FAM228B: variants seen among roughly 807,000 people sequenced by gnomAD.
FAM228B encodes the protein protein FAM228B.
In FAM228B, 38 loss-of-function variants were observed where a neutral mutation model predicts 42.6. That is an observed-to-expected ratio of 0.89 (90% CI 0.69 to 1.17). FAM228B has a LOEUF of 1.17. Ranked by LOEUF, FAM228B falls within the 50% of genes most tolerant of loss-of-function variation. The pLI, the probability that FAM228B is intolerant of heterozygous loss-of-function variation, is 0.00. For synonymous variants in FAM228B, 109 were observed against 122.3 expected (o/e 0.89, Z 0.72); for missense variants, 344 against 367.3 (o/e 0.94, Z 0.52).
chr2:24,144,811 C>T (rs1025129448), intron 5 of FAM228B, among the ~76,000 whole-genome samples: 1 of 152,150 alleles, frequency 6.6e-6, no homozygotes, highest in Non-Finnish European at 1.5e-5. Context: ...GCAACCCCAC[C>T]CTCCACAGCA....
At chr2:24,127,788 G>A (rs763854885) in intron 2 of FAM228B, among the ~76,000 whole-genome samples, 2 of 151,720 alleles carry the variant, frequency 1.3e-5, no homozygotes, top group South Asian at 2.1e-4. Flanking sequence ...TAAGCCTCCC[G>A]AGTAGCTGGG....
chr2:24,151,847 C>T (rs1049622677), intron 7 of FAM228B, among the ~76,000 whole-genome samples: 1 of 151,836 alleles, frequency 6.6e-6, no homozygotes, highest in Non-Finnish European at 1.5e-5. Context: ...TCACACCTGG[C>T]TAATTTTTGT....
chr2:24,081,690 GTTTT>G (rs36028901), intron 2 of FAM228B, among the ~76,000 whole-genome samples: 1 of 137,398 alleles, frequency 7.3e-6, no homozygotes, highest in Non-Finnish European at 1.6e-5. Context: ...CCTTGATACT[GTTTT>G]TTTTTTTTTT....
intron 7 of FAM228B, among the ~76,000 whole-genome samples, chr2:24,155,531 ATTTTTTT>A (rs70944720): frequency 1.5e-3 from 19 of 13,024 alleles, no homozygotes; most frequent in African/African-American, 2.4e-3. Flanking sequence ...ATATATATAT[ATTTTTTT>A]TTTTTTTTTT....
Position 24,169,214 on chromosome 2 carries a change from C to G in FAM228B, c.*15-142C>G. 1 of 316,346 alleles carries G rather than the reference C, an allele frequency of 3.2e-6. No individual in the cohort carries two copies. Among genetic ancestry groups the G allele is most frequent in the Non-Finnish European group, 7.3e-6 (1 of 136,244 alleles). 19.6% of individuals were successfully genotyped at this position (316,346 alleles called of 1,614,324 possible). A position where few individuals can be genotyped will look rare whatever the true frequency, so the allele number is the denominator to read the frequency against. On this transcript the variant is annotated intron_variant, in intron 10 of 10. Coordinates refer to ENST00000615575, the MANE Select transcript of FAM228B (RefSeq NM_001145710.2). The surrounding 1 kb of genome is among the most constrained non-coding windows in gnomAD (Gnocchi z 4.2). ...GAGGCAGGAGGCCTAGGTGGAGACC[C>G]TGCCTGAGAGATGAGTCACTCGGCT...
intron 1 of FAM228B, chr2:24,124,115 C>T (rs567225770): frequency 5.9e-5 from 20 of 339,824 alleles, no homozygotes; most frequent in Admixed American, 4.1e-4. Context: ...TTCCAAGGGA[C>T]GGGGGATTCT....
At chr2:24,121,140 C>T, upstream of FAM228B, 1 of 1,613,246 alleles carries the variant, frequency 6.2e-7, no homozygotes, top group Middle Eastern at 1.7e-4. Flanking sequence ...TTACTCAGCT[C>T]TCTTCAAATC....
At chr2:24,167,105 C>T (rs1348285508) in intron 9 of FAM228B, among the ~76,000 whole-genome samples, 1 of 152,108 alleles carries the variant, frequency 6.6e-6, no homozygotes, top group Non-Finnish European at 1.5e-5. Context: ...CAGCATTGTA[C>T]AAAGAACATG....
At chr2:24,154,239 T>TC (rs1051048509) in intron 7 of FAM228B, among the ~76,000 whole-genome samples, 4 of 152,252 alleles carry the variant, frequency 2.6e-5, no homozygotes, top group Admixed American at 1.3e-4. Flanking sequence ...AATTTGTTGT[T>TC]CCAGTGCGGG....
chr2:24,134,752 A>T (rs1205767874), intron 2 of FAM228B, among the ~76,000 whole-genome samples: 1 of 152,180 alleles, frequency 6.6e-6, no homozygotes, highest in African/African-American at 2.4e-5. Flanking sequence ...GGAGTTTGAG[A>T]CCAGCGAGGC....
At position 24,167,637 on chromosome 2, in the gene FAM228B, C is replaced by T; in HGVS notation, c.943C>T (p.Pro315Ser). ...REEDQDGSPS[P>S]RLGLLKLEL ...CAATCTTCATTTAAGGTCTCCCTCCCCGCGTTTGGGGCTGCTGAAGCTGGA... is the reference window on the plus strand; with the variant it reads ...CAATCTTCATTTAAGGTCTCCCTCCTCGCGTTTGGGGCTGCTGAAGCTGGA... Residue 315 changes from proline to serine, a missense_variant, in exon 10 of 11, where the codon CCG becomes TCG. Pro to Ser is a moderately conservative substitution (Grantham distance 74, BLOSUM62 -1). Transcript: ENST00000615575. 6.4e-7 allele frequency: 1 copy of T among 1,551,684 alleles called. No individual in the cohort carries two copies. Among genetic ancestry groups the T allele is most frequent in the Non-Finnish European group, 8.7e-7 (1 of 1,146,930 alleles).
At chr2:24,120,629 C>T (rs1666081893), upstream of FAM228B, among the ~76,000 whole-genome samples, 1 of 152,070 alleles carries the variant, frequency 6.6e-6, no homozygotes, top group Admixed American at 6.6e-5. Flanking sequence ...GATCTCGGCT[C>T]ACTGCAACCT....
intron 3 of FAM228B, among the ~76,000 whole-genome samples, chr2:24,102,935 G>A (rs6733127): frequency 0.45 from 68,515 of 151,928 alleles, 16,330 homozygotes; most frequent in East Asian, 0.71. Flanking sequence ...GTTAATATGT[G>A]CCTTGTAACA....
At chr2:24,160,036 TG>T (rs1667251784) in intron 7 of FAM228B, among the ~76,000 whole-genome samples, 3 of 150,160 alleles carry the variant, frequency 2.0e-5, no homozygotes, top group African/African-American at 7.4e-5. Flanking sequence ...TCACCCAGAG[TG>T]GAGTGCAGTG....
At chr2:24,123,206 G>C (rs1023432225), upstream of FAM228B, 3 of 152,252 alleles carry the variant, frequency 2.0e-5, no homozygotes, top group Non-Finnish European at 4.4e-5. Flanking sequence ...GTGGTGAGCG[G>C]TGAATTCCCT....
chr2:24,148,251 A>C (rs1666942120), intron 7 of FAM228B, among the ~76,000 whole-genome samples: 1 of 152,146 alleles, frequency 6.6e-6, no homozygotes, highest in Admixed American at 6.5e-5. Context: ...AGCTGGCATC[A>C]TAGAAGTGGA....
At chr2:24,153,743 T>C (rs1667071525) in intron 7 of FAM228B, among the ~76,000 whole-genome samples, 1 of 152,168 alleles carries the variant, frequency 6.6e-6, no homozygotes, top group Non-Finnish European at 1.5e-5. Context: ...GTTTTCTGGC[T>C]CTGAGCTCAG....
chr2:24,105,002 T>C (rs1392913963), intron 3 of FAM228B, among the ~76,000 whole-genome samples: 1 of 152,158 alleles, frequency 6.6e-6, no homozygotes, highest in Non-Finnish European at 1.5e-5. Flanking sequence ...GCCCAGTGGC[T>C]CTACTTCTAC....
At chr2:24,148,915 T>C (rs1189602939) in intron 7 of FAM228B, among the ~76,000 whole-genome samples, 2 of 152,206 alleles carry the variant, frequency 1.3e-5, no homozygotes, top group East Asian at 3.8e-4. Context: ...CCTTCCGCTC[T>C]GCATCTCCAT....
Sources: gnomAD v4.1 joint callset for allele counts (sites outside exome capture counted in the v4.1 genomes callset) on GRCh38, gnomAD v4.1.1 for gene constraint, Gnocchi (gnomAD v3.1) non-coding constraint, MANE v1.5 for transcripts, NCBI Gene and HGNC (gene_info 2026-07-23, HGNC 2026-07-21) for gene names.